Variants in NHLH2 observed in about 807,000 individuals in gnomAD.
NHLH2 encodes nescient helix-loop-helix 2.
A neutral mutation model predicts 7.3 loss-of-function variants in NHLH2; 7 were observed. The ratio of observed to expected loss-of-function variants is 0.96; its 90% CI spans 0.55 to 1.81. NHLH2 has a LOEUF of 1.81. Ranked by LOEUF, NHLH2 falls within the 40% of genes most tolerant of loss-of-function variation. The pLI is 0.00. For synonymous variants in NHLH2, 93 were observed against 91.6 expected (o/e 1.01, Z -0.09); for missense variants, 155 against 194.0 (o/e 0.80, Z 1.19).
At chr1:115,831,690 G>A (rs996631103), downstream of NHLH2, among the ~76,000 whole-genome samples, 1 of 152,024 alleles carries the variant, frequency 6.6e-6, no homozygotes, top group African/African-American at 2.4e-5. Flanking sequence ...AGGCCTAGGG[G>A]GGGGCGGATC....
chr1:115,839,048 A>C (rs1334447428), intron 2 of NHLH2: 1 of 167,190 alleles, frequency 6.0e-6, no homozygotes, highest in Non-Finnish European at 1.5e-5. Context: ...TCGTAAAGAA[A>C]TGACTAAACA....
At chr1:115,835,322 TAG>T (rs1650841922), downstream of NHLH2, among the ~76,000 whole-genome samples, 1 of 152,164 alleles carries the variant, frequency 6.6e-6, no homozygotes, top group Non-Finnish European at 1.5e-5. Flanking sequence ...TCTTGTATAA[TAG>T]AGAGGTGCTA....
downstream of NHLH2, among the ~76,000 whole-genome samples, chr1:115,832,309 A>G (rs1240216518): frequency 6.6e-6 from 1 of 152,156 alleles, no homozygotes; most frequent in Non-Finnish European, 1.5e-5. Flanking sequence ...GAAGATGGGG[A>G]TGATTTCTGG....
chr1:115,831,610 T>C (rs940351739), downstream of NHLH2, among the ~76,000 whole-genome samples: 1 of 152,128 alleles, frequency 6.6e-6, no homozygotes, highest in African/African-American at 2.4e-5. Flanking sequence ...GACTTTTCCT[T>C]CTATCTTAAA....
chr1:115,840,033 TG>T (rs1651024979), intron 2 of NHLH2, 182 bp downstream of exon 2: 1 of 167,066 alleles, frequency 6.0e-6, no homozygotes, highest in Non-Finnish European at 1.5e-5. Context: ...GTTGTAGTTC[TG>T]GTAAAAAGTT....
Position 115,837,903 on chromosome 1 carries a change from C to G in NHLH2, c.*62G>C, listed in dbSNP as rs1396779393. On this transcript the variant is annotated 3_prime_UTR_variant, in exon 3 of 3. Transcript: ENST00000320238. The stretch of plus-strand genomic sequence containing the variant: ...CCTCCGCCACCCGAGCGACGGCGCC[C>G]GTCCGGATCCGTAGCGTTTCGCGGA... 19 of 1,521,434 alleles carry G rather than the reference C, an allele frequency of 1.2e-5. No homozygotes were observed. Among genetic ancestry groups the G allele is most frequent in the Admixed American group, 2.2e-5 (1 of 45,240 alleles). 94.2% of individuals were successfully genotyped at this position (1,521,434 alleles called of 1,614,324 possible).
chr1:115,835,079 T>C (rs1184231284), downstream of NHLH2, among the ~76,000 whole-genome samples: 2 of 152,146 alleles, frequency 1.3e-5, no homozygotes, highest in Non-Finnish European at 2.9e-5. Flanking sequence ...ATGGGTTGCA[T>C]AGCTAGGAAG....
At chr1:115,835,976 A>T (rs1487164956), downstream of NHLH2, among the ~76,000 whole-genome samples, 2 of 152,120 alleles carry the variant, frequency 1.3e-5, no homozygotes, top group Non-Finnish European at 2.9e-5. Context: ...CACATCAGGG[A>T]TCTTCTTCTC....
chr1:115,838,316 C>A lies in NHLH2; in HGVS notation c.57G>T (p.Ser19=), dbSNP rs1650943415. 1 of 1,609,356 alleles carries A rather than the reference C, an allele frequency of 6.2e-7. No homozygotes were observed. The highest frequency in any genetic ancestry group is 1.3e-5 in the African/African-American group (1 of 74,664). ...ADSDHPSSAH[S]DPESLGGTDT... The stretch of plus-strand genomic sequence containing the variant: ...CCGTGCCGCCCAGGGACTCCGGATC[C>A]GAGTGCGCCGAGCTGGGATGGTCCG... Residue 19 remains serine (S), a synonymous_variant, in exon 3 of 3, where the codon TCG becomes TCT. Coordinates refer to ENST00000320238, the MANE Select transcript of NHLH2 (RefSeq NM_005599.3).
In NHLH2 at chr1:115,838,378, A is replaced by T. The variant is rs1458225536; in HGVS notation, c.-6T>A. 20 of 1,608,134 alleles carry T rather than the reference A, an allele frequency of 1.2e-5. No homozygotes were observed. Among genetic ancestry groups the T allele is most frequent in the Admixed American group, 3.3e-5 (2 of 59,918 alleles). ...TGGTCCGGACTCAGCATCATTTTGG[A>T]GGCTGAGGAGGGGTCGGAAAATTAA... On this transcript the variant is annotated splice_region_variant and 5_prime_UTR_variant, in exon 3 of 3. Transcript: ENST00000320238.
chr1:115,831,657 G>T (rs1028586944), downstream of NHLH2, among the ~76,000 whole-genome samples: 1 of 135,650 alleles, frequency 7.4e-6, no homozygotes, highest in Non-Finnish European at 1.6e-5. Flanking sequence ...GGTGGCTCAC[G>T]CCTGTAATCC....
In NHLH2 at chr1:115,837,914, G is replaced by A. The variant is rs751252266; in HGVS notation, c.*51C>T. ...CGAGCGACGGCGCCCGTCCGGATCC[G>A]TAGCGTTTCGCGGACGCCGGGACAG... is the stretch of plus-strand genomic sequence containing the variant. On this transcript the variant is annotated 3_prime_UTR_variant, in exon 3 of 3. Coordinates refer to ENST00000320238, the MANE Select transcript of NHLH2 (RefSeq NM_005599.3). The A allele has an allele frequency of 5.2e-5, 81 of 1,560,408 alleles. No homozygotes were observed. The highest frequency in any genetic ancestry group is 1.2e-5 in the Non-Finnish European group (14 of 1,155,340).
downstream of NHLH2, among the ~76,000 whole-genome samples, chr1:115,832,042 G>A (rs1650765228): frequency 6.6e-6 from 1 of 152,162 alleles, no homozygotes; most frequent in African/African-American, 2.4e-5. Flanking sequence ...TGGGTGAGCA[G>A]GCCTGAAAAC....
intron 2 of NHLH2, 42 bp from the exon 3 acceptor site, chr1:115,838,422 G>A: frequency 6.3e-7 from 1 of 1,588,902 alleles, no homozygotes; most frequent in African/African-American, 1.4e-5. Flanking sequence ...AGGAATCAGG[G>A]TATTTTGCTG....
downstream of NHLH2, among the ~76,000 whole-genome samples, chr1:115,834,471 AC>A (rs767012060): frequency 4.6e-5 from 7 of 152,128 alleles, no homozygotes; most frequent in Non-Finnish European, 8.8e-5. Flanking sequence ...AAGGTAAGTG[AC>A]CTGCACAGAC....
At chr1:115,838,569 C>T (rs1650955371) in intron 2 of NHLH2, 189 bp from the exon 3 acceptor site, 2 of 536,046 alleles carry the variant, frequency 3.7e-6, no homozygotes, top group Non-Finnish European at 6.4e-6. Context: ...CCCTGCGCCT[C>T]GCCCTGGCGC....
chr1:115,834,420 C>A (rs1650817739), downstream of NHLH2, among the ~76,000 whole-genome samples: 1 of 152,100 alleles, frequency 6.6e-6, no homozygotes, highest in Non-Finnish European at 1.5e-5. Flanking sequence ...TGGTGAAAGA[C>A]CAAGCTCAGG....
At chr1:115,838,508 C>T in intron 2 of NHLH2, 128 bp from the exon 3 acceptor site, 1 of 1,081,320 alleles carries the variant, frequency 9.2e-7, no homozygotes, top group East Asian at 2.8e-5. Context: ...CCACAGCAGG[C>T]CGGCGCGCGA....
At chr1:115,839,370 C>G (rs1242523576) in intron 2 of NHLH2, 2 of 166,702 alleles carry the variant, frequency 1.2e-5, no homozygotes, top group Non-Finnish European at 1.5e-5. Flanking sequence ...TCGGGCGCTC[C>G]CGGAACCGGA....
Sources: allele counts gnomAD v4.1 joint callset (sites outside exome capture counted in the v4.1 genomes callset), GRCh38; gene constraint gnomAD v4.1.1; transcripts MANE v1.5; gene names NCBI Gene and HGNC (gene_info 2026-07-23, HGNC 2026-07-21).